Variants in PTPRM observed in about 807,000 individuals in gnomAD.
PTPRM encodes protein tyrosine phosphatase receptor type M.
A neutral mutation model predicts 186.7 loss-of-function variants in PTPRM; 47 were observed. The observed-to-expected ratio is 0.25, with a 90% CI of 0.20 to 0.32. The LOEUF is 0.32. Ranked by LOEUF, PTPRM falls within the 10% of genes least tolerant of loss-of-function variation. The probability of loss-of-function intolerance (pLI) is 1.00; values close to 1 mark genes in which losing one functional copy is unlikely to be tolerated. For missense variants in PTPRM, 1,494 were observed against 1,865.0 expected (o/e 0.80, Z 3.66); for synonymous variants, 668 against 674.9 (o/e 0.99, Z 0.16).
At chr18:8,169,344 CAA>C (rs34078397) in intron 14 of PTPRM, among the ~76,000 whole-genome samples, 1,248 of 121,764 alleles carry the variant, frequency 0.01, 17 homozygotes, top group African/African-American at 0.033. Flanking sequence ...TTGATTTGGG[CAA>C]AAAAAAAAAA....
chr18:8,116,328 T>C (rs1285735412), intron 13 of PTPRM, among the ~76,000 whole-genome samples: 1 of 152,264 alleles, frequency 6.6e-6, no homozygotes, highest in Non-Finnish European at 1.5e-5. Flanking sequence ...TTGAAATCTC[T>C]TTCATGCGTG....
intron 2 of PTPRM, among the ~76,000 whole-genome samples, chr18:7,840,222 G>A (rs574056714): frequency 2.6e-5 from 4 of 152,186 alleles, no homozygotes; most frequent in South Asian, 2.1e-4. Context: ...TTTTTGGTTC[G>A]TAAGAAGGTG....
chr18:8,157,921 G>A (rs763051202), intron 14 of PTPRM, among the ~76,000 whole-genome samples: 13 of 152,200 alleles, frequency 8.5e-5, no homozygotes, highest in Non-Finnish European at 1.3e-4. Flanking sequence ...GTGCATAAAG[G>A]CCTTGTCATG....
intron 1 of PTPRM, among the ~76,000 whole-genome samples, chr18:7,762,536 A>G (rs1420575078): frequency 6.6e-6 from 1 of 152,212 alleles, no homozygotes. Context: ...TTAAAATTTG[A>G]GTACTATCCG....
At chr18:8,024,384 C>G (rs770137888) in intron 7 of PTPRM, among the ~76,000 whole-genome samples, 1 of 152,090 alleles carries the variant, frequency 6.6e-6, no homozygotes, top group Non-Finnish European at 1.5e-5. Context: ...TCTTACTGCC[C>G]CATGGCTGTG....
intron 11 of PTPRM, among the ~76,000 whole-genome samples, chr18:8,108,290 A>T (rs143728681): frequency 6.9e-4 from 105 of 152,278 alleles, no homozygotes; most frequent in African/African-American, 2.5e-3. Flanking sequence ...ACAATATTCT[A>T]AGTCCCTGAA....
In PTPRM at chr18:8,386,591, A is replaced by G. The variant is rs536034681; in HGVS notation, c.4045-481A>G. Among the ~76,000 whole-genome samples the G allele has an allele frequency of 5.9e-5, 9 of 152,322 alleles. No individual in the cohort carries two copies. In the East Asian group the frequency reaches 1.5e-3, roughly 26 times the overall value. The stretch of plus-strand genomic sequence containing the variant: ...TTGAATTCTGCAATTCTATTTCACT[A>G]TGACTAAGGATTAATTAACTATTGC... On this transcript the variant is annotated intron_variant, in intron 30 of 32. Transcript: ENST00000580170.
At chr18:7,639,218 A>G (rs966463481) in intron 1 of PTPRM, among the ~76,000 whole-genome samples, 3 of 151,484 alleles carry the variant, frequency 2.0e-5, no homozygotes, top group African/African-American at 7.3e-5. Context: ...GGGGCTACAG[A>G]TGCCTGCCAC....
chr18:8,347,851 G>A (rs184775901), intron 23 of PTPRM, among the ~76,000 whole-genome samples: 51 of 152,294 alleles, frequency 3.3e-4, no homozygotes, highest in Middle Eastern at 3.4e-3. Flanking sequence ...GTGGGGACAC[G>A]GGTAAGCTCT....
chr18:8,175,514 G>A (rs974197910), intron 14 of PTPRM, among the ~76,000 whole-genome samples: 5 of 152,132 alleles, frequency 3.3e-5, no homozygotes, highest in Non-Finnish European at 5.9e-5. Flanking sequence ...ATATGTCAAT[G>A]CTATAATATA....
chr18:8,364,012 A>G (rs2095612791), intron 23 of PTPRM, among the ~76,000 whole-genome samples: 2 of 152,232 alleles, frequency 1.3e-5, no homozygotes, highest in African/African-American at 4.8e-5. Context: ...AGGACCGTAA[A>G]GGCATGAAAG....
chr18:7,630,970 G>T (rs936710534), intron 1 of PTPRM, among the ~76,000 whole-genome samples: 2 of 152,144 alleles, frequency 1.3e-5, no homozygotes, highest in African/African-American at 4.8e-5. Flanking sequence ...ATGTGAAAGT[G>T]AGAGCCTGTG....
At chr18:8,386,358 G>A (rs1322353616) in intron 30 of PTPRM, among the ~76,000 whole-genome samples, 1 of 152,148 alleles carries the variant, frequency 6.6e-6, no homozygotes, top group East Asian at 1.9e-4. Flanking sequence ...TCAGCAAGAG[G>A]TCTGGGAGAA....
chr18:8,084,508 C>G (rs1490072390), intron 9 of PTPRM, among the ~76,000 whole-genome samples: 1 of 152,106 alleles, frequency 6.6e-6, no homozygotes, highest in African/African-American at 2.4e-5. Context: ...ATATAGCAAA[C>G]AGTTTTCTTG....
intron 29 of PTPRM, among the ~76,000 whole-genome samples, chr18:8,381,360 TAAAAAA>T (rs60672111): frequency 1.1e-4 from 15 of 138,022 alleles, no homozygotes; most frequent in Non-Finnish European, 2.2e-4. Context: ...TTCTTTTTCT[TAAAAAA>T]AAAAAAAAAA....
At chr18:7,981,831 A>G (rs2082569720) in intron 7 of PTPRM, among the ~76,000 whole-genome samples, 1 of 152,218 alleles carries the variant, frequency 6.6e-6, no homozygotes, top group Non-Finnish European at 1.5e-5. Context: ...TGAATGCTGT[A>G]GACTCTTGGA....
intron 1 of PTPRM, among the ~76,000 whole-genome samples, chr18:7,628,514 A>G (rs2038115089): frequency 6.6e-6 from 1 of 152,246 alleles, no homozygotes; most frequent in African/African-American, 2.4e-5. Flanking sequence ...AGAATTAGAT[A>G]TTTAAAAGAT....
intron 7 of PTPRM, among the ~76,000 whole-genome samples, chr18:8,011,824 T>C (rs913786775): frequency 2.0e-5 from 3 of 152,238 alleles, no homozygotes; most frequent in Non-Finnish European, 4.4e-5. Flanking sequence ...TGATATTACC[T>C]GTGCCTTTTA....
At chr18:8,192,101 A>G (rs963165854) in intron 14 of PTPRM, among the ~76,000 whole-genome samples, 1 of 152,016 alleles carries the variant, frequency 6.6e-6, no homozygotes. Flanking sequence ...ATAAGCCAAT[A>G]TATTAATGTA....
Sources: allele counts gnomAD v4.1 joint callset (sites outside exome capture counted in the v4.1 genomes callset), GRCh38; gene constraint gnomAD v4.1.1; transcripts MANE v1.5; gene names NCBI Gene and HGNC (gene_info 2026-07-23, HGNC 2026-07-21).